Variants in KPNA3 observed in about 807,000 individuals in gnomAD.
The protein encoded by KPNA3 is karyopherin subunit alpha 3, also known as importin subunit alpha-4.
In KPNA3, 13 loss-of-function variants were observed where a neutral mutation model predicts 73.8. That is an observed-to-expected ratio of 0.18 (90% CI 0.11 to 0.28). The LOEUF (loss-of-function observed/expected upper bound fraction) is 0.28, where lower values mean the gene tolerates loss of function less well. Ranked by LOEUF, KPNA3 falls within the 10% of genes least tolerant of loss-of-function variation. The pLI, the probability that KPNA3 is intolerant of heterozygous loss-of-function variation, is 1.00. For missense variants in KPNA3, 360 were observed against 618.1 expected (o/e 0.58, Z 4.43); for synonymous variants, 186 against 206.9 (o/e 0.90, Z 0.87).
At chr13:49,732,239 A>C (rs922239292) in intron 6 of KPNA3, 132 bp downstream of exon 6, 11 of 455,076 alleles carry the variant, frequency 2.4e-5, no homozygotes, top group African/African-American at 2.0e-4. Flanking sequence ...AGAATAAGAA[A>C]ATTAAATTAA....
Position 49,762,254 on chromosome 13 carries a change from G to A in KPNA3, c.70-15261C>T, listed in dbSNP as rs570196123. 2.1e-3 allele frequency among the ~76,000 whole-genome samples: 314 copies of A among 147,308 alleles called. 2 individuals are homozygous for A. The highest frequency in any genetic ancestry group is 3.8e-3 in the Middle Eastern group (1 of 264). ...CCGTCGCGGAGGGAGGAGGGGGGGC[G>A]CCTCCGCCCGGCCATCGCCCCGTCC... On this transcript the variant is annotated intron_variant, in intron 1 of 16. Coordinates refer to ENST00000261667, the MANE Select transcript of KPNA3 (RefSeq NM_002267.4).
rs964895123 is a variant in KPNA3 at position 49,766,528 on chromosome 13, A to T, written c.70-19535T>A. Among the ~76,000 whole-genome samples the T allele has an allele frequency of 2.6e-5, 4 of 152,358 alleles. No individual in the cohort carries two copies. In the South Asian group the frequency reaches 8.3e-4, roughly 32 times the overall value. On this transcript the variant is annotated intron_variant, in intron 1 of 16. Transcript: ENST00000261667. ...GCTAGTGAGACCATCCAAAATTTGA[A>T]ACATTTAGCCTCTCTATAAGAGTAA...
chr13:49,750,940 C>T (rs1262900594), intron 1 of KPNA3, among the ~76,000 whole-genome samples: 1 of 152,030 alleles, frequency 6.6e-6, no homozygotes, highest in Non-Finnish European at 1.5e-5. Context: ...TGCCATGAGC[C>T]ACGAGTGGGC....
At chr13:49,773,480 C>T (rs1954871908) in intron 1 of KPNA3, among the ~76,000 whole-genome samples, 1 of 151,836 alleles carries the variant, frequency 6.6e-6, no homozygotes, top group Admixed American at 6.6e-5. Flanking sequence ...CTATTAATAC[C>T]ATATTATGCA....
chr13:49,700,277 C>T lies in KPNA3; in HGVS notation c.*1523G>A, dbSNP rs1386520369. 1 of 152,652 alleles carries T rather than the reference C, an allele frequency of 6.6e-6. No homozygotes were observed. The highest frequency in any genetic ancestry group is 1.5e-5 in the Non-Finnish European group (1 of 68,032). 9.5% of individuals were successfully genotyped at this position (152,652 alleles called of 1,614,324 possible). On this transcript the variant is annotated 3_prime_UTR_variant, in exon 17 of 17. Coordinates refer to ENST00000261667, the MANE Select transcript of KPNA3 (RefSeq NM_002267.4). ...AAAGCTCTGATGGCATCTGTCTCATCTTCATCACAGTAAATACACCCCCCA... is the reference window on the plus strand; with the variant it reads ...AAAGCTCTGATGGCATCTGTCTCATTTTCATCACAGTAAATACACCCCCCA...
chr13:49,759,925 A>G lies in KPNA3; in HGVS notation c.70-12932T>C, dbSNP rs533791775. 1.3e-4 allele frequency among the ~76,000 whole-genome samples: 12 copies of G among 89,860 alleles called. 1 individual carries two copies. In the East Asian group the frequency reaches 2.8e-3, roughly 21 times the overall value. The allele number at this position is 89,860 out of a possible 152,430, so 59.0% of individuals were successfully genotyped here. A position where few individuals can be genotyped will look rare whatever the true frequency, so the allele number is the denominator to read the frequency against. ...ATCCTAGTAAATAACAGACTTAGACAATGTTCCTCAGTGGTGATGTCAACA... is the reference window on the plus strand; with the variant it reads ...ATCCTAGTAAATAACAGACTTAGACGATGTTCCTCAGTGGTGATGTCAACA... On this transcript the variant is annotated intron_variant, in intron 1 of 16. Coordinates refer to ENST00000261667, the MANE Select transcript of KPNA3 (RefSeq NM_002267.4).
At chr13:49,752,596 A>C (rs958550579) in intron 1 of KPNA3, among the ~76,000 whole-genome samples, 1 of 152,232 alleles carries the variant, frequency 6.6e-6, no homozygotes, top group Non-Finnish European at 1.5e-5. Context: ...GCAATCAAAA[A>C]AGAATTAGAA....
intron 1 of KPNA3, among the ~76,000 whole-genome samples, chr13:49,753,732 T>C (rs1954686439): frequency 6.6e-6 from 1 of 152,180 alleles, no homozygotes; most frequent in African/African-American, 2.4e-5. Flanking sequence ...AACACAAACC[T>C]TGTTGTGAAC....
chr13:49,716,076 T>G (rs1954301892), intron 10 of KPNA3, among the ~76,000 whole-genome samples: 1 of 152,172 alleles, frequency 6.6e-6, no homozygotes, highest in Non-Finnish European at 1.5e-5. Context: ...CAGTGGGGTC[T>G]CCATGACAAT....
At position 49,734,126 on chromosome 13, in the gene KPNA3, T is replaced by C. The variant is rs140206650; in HGVS notation, c.115-1080A>G. ...GACTTCTAAAATTCCTGGTATTTTG[T>C]TGTTGTTCCTTCTCTCTACTTGCTA... On this transcript the variant is annotated intron_variant, in intron 2 of 16. Coordinates refer to ENST00000261667, the MANE Select transcript of KPNA3 (RefSeq NM_002267.4). 3.0e-4 allele frequency among the ~76,000 whole-genome samples: 46 copies of C among 152,370 alleles called. No homozygotes were observed. The East Asian group carries it at 8.5e-3, about 28-fold the overall frequency.
intron 1 of KPNA3, among the ~76,000 whole-genome samples, chr13:49,772,234 T>C (rs557815396): frequency 6.6e-6 from 1 of 152,348 alleles, no homozygotes; most frequent in African/African-American, 2.4e-5. Context: ...CAACAATGAA[T>C]ACGGTTGTCT....
rs147724697 is a variant in KPNA3, at chr13:49,762,096, C to T, written c.70-15103G>A. ...ATCTCCGCCCGGCAGACGCCCCATC[C>T]GGGAGGGAGGTGGGGGGCAGCCCCC... On this transcript the variant is annotated intron_variant, in intron 1 of 16. Coordinates refer to ENST00000261667, the MANE Select transcript of KPNA3 (RefSeq NM_002267.4). Among the ~76,000 whole-genome samples, 72 of 114,464 alleles carry T rather than the reference C, an allele frequency of 6.3e-4. No homozygotes were observed. The East Asian group carries it at 9.3e-3, about 15-fold the overall frequency. The allele number at this position is 114,464 out of a possible 152,430, so 75.1% of individuals were successfully genotyped here. A position where few individuals can be genotyped will look rare whatever the true frequency, so the allele number is the denominator to read the frequency against.
chr13:49,774,095 G>A (rs1954877134), intron 1 of KPNA3, among the ~76,000 whole-genome samples: 1 of 151,514 alleles, frequency 6.6e-6, no homozygotes, highest in Non-Finnish European at 1.5e-5. Context: ...TTAAGGGATG[G>A]GGTTCTGCCA....
intron 10 of KPNA3, among the ~76,000 whole-genome samples, chr13:49,713,444 T>TAATG (rs1954278254): frequency 6.6e-6 from 1 of 152,160 alleles, no homozygotes; most frequent in Admixed American, 6.5e-5. Context: ...TATACCCTGA[T>TAATG]AATGGCAACT....
In KPNA3 at chr13:49,770,351, T is replaced by C. The variant is rs559262350; in HGVS notation, c.69+22087A>G. Among the ~76,000 whole-genome samples, 6 of 151,908 alleles carry C rather than the reference T, an allele frequency of 3.9e-5. No homozygotes were observed. In the East Asian group the frequency reaches 1.2e-3, roughly 29 times the overall value. On this transcript the variant is annotated intron_variant, in intron 1 of 16. Coordinates refer to ENST00000261667, the MANE Select transcript of KPNA3 (RefSeq NM_002267.4). ...CCACCACACCAGGCAAATTTTTAAA[T>C]TCTTTATAAAGACGAGGTCTCACTA...
chr13:49,711,137 G>A, intron 10 of KPNA3, 115 bp from the exon 11 acceptor site: 4 of 900,444 alleles, frequency 4.4e-6, no homozygotes, highest in African/African-American at 3.4e-5. Context: ...TTTTAGCTTA[G>A]TGGCAAAAAT....
intron 6 of KPNA3, among the ~76,000 whole-genome samples, chr13:49,728,107 C>A (rs986106320): frequency 1.3e-5 from 2 of 151,906 alleles, no homozygotes; most frequent in African/African-American, 4.8e-5. Context: ...TGGTGGCAGG[C>A]ACCTGTAGAC....
At chr13:49,775,063 A>G (rs1381250224) in intron 1 of KPNA3, among the ~76,000 whole-genome samples, 4 of 149,436 alleles carry the variant, frequency 2.7e-5, no homozygotes, top group African/African-American at 7.4e-5. Context: ...CTGAGGCAGG[A>G]GCATCCCTTG....
intron 1 of KPNA3, among the ~76,000 whole-genome samples, chr13:49,770,164 C>T (rs931394505): frequency 6.7e-6 from 1 of 149,372 alleles, no homozygotes; most frequent in Non-Finnish European, 1.5e-5. Flanking sequence ...ATTTTTTCCT[C>T]CCATTTGTGG....
Sources: gnomAD v4.1 joint callset for allele counts (sites outside exome capture counted in the v4.1 genomes callset) on GRCh38, gnomAD v4.1.1 for gene constraint, MANE v1.5 for transcripts, NCBI Gene and HGNC (gene_info 2026-07-23, HGNC 2026-07-21) for gene names.